The following TAS2R1 variants were observed in gnomAD, a reference collection of about 807,000 sequenced individuals.
TAS2R1 encodes the protein taste 2 receptor member 1.
For synonymous variants in TAS2R1, 141 were observed against 134.2 expected (o/e 1.05, Z -0.35); for missense variants, 370 against 353.4 (o/e 1.05, Z -0.38).
At chr5:9,643,647 G>A (rs1740129184) in intron 2 of TAS2R1, among the ~76,000 whole-genome samples, 1 of 152,120 alleles carries the variant, frequency 6.6e-6, no homozygotes, top group African/African-American at 2.4e-5. Context: ...TAGCTGATAG[G>A]AATTTTTCAA....
At chr5:9,891,031 C>T in the TAS2R1 span, among the ~76,000 whole-genome samples, 7 of 152,186 alleles carry the variant, frequency 4.6e-5, no homozygotes, top group Admixed American at 3.3e-4. Flanking sequence ...TAAGGGTCCA[C>T]AAATTCAAAC....
At chr5:9,780,721 G>A in the TAS2R1 span, among the ~76,000 whole-genome samples, 38 of 152,132 alleles carry the variant, frequency 2.5e-4, no homozygotes, top group Admixed American at 8.5e-4. Flanking sequence ...GCACATGTGC[G>A]TTCATGTTAG....
the TAS2R1 span, among the ~76,000 whole-genome samples, chr5:9,780,556 A>G: frequency 4.6e-5 from 7 of 152,206 alleles, no homozygotes; most frequent in Non-Finnish European, 1.0e-4. Context: ...AGAAGTCAGG[A>G]GAAGGGGCTC....
chr5:9,794,619 C>A, the TAS2R1 span, among the ~76,000 whole-genome samples: 3 of 152,042 alleles, frequency 2.0e-5, no homozygotes, highest in Non-Finnish European at 4.4e-5. Flanking sequence ...AAAAATTGAG[C>A]CTCTATTTAA....
chr5:9,700,456 A>T lies in TAS2R1; in HGVS notation c.-242+11716T>A, dbSNP rs561814778. Reference sequence around the variant, plus strand: ...GGTGCCCTTCACTATCCTTGCACCCATTTTCTATTTTCCACCCATGCACCC... The same window carrying T: ...GGTGCCCTTCACTATCCTTGCACCCTTTTTCTATTTTCCACCCATGCACCC... On this transcript the variant is annotated intron_variant, in intron 1 of 2. Transcript: ENST00000506620. Among the ~76,000 whole-genome samples the T allele has an allele frequency of 3.4e-4, 52 of 152,048 alleles. 1 individual carries two copies. The highest frequency in any genetic ancestry group is 2.8e-4 in the Non-Finnish European group (19 of 67,998).
intron 1 of TAS2R1, among the ~76,000 whole-genome samples, chr5:9,676,499 G>A (rs1025936034): frequency 2.0e-5 from 3 of 152,096 alleles, no homozygotes; most frequent in African/African-American, 4.8e-5. Flanking sequence ...TTAATTCAAC[G>A]AAGAAAGGAT....
At chr5:9,822,090 C>A in the TAS2R1 span, among the ~76,000 whole-genome samples, 1 of 152,118 alleles carries the variant, frequency 6.6e-6, no homozygotes, top group Non-Finnish European at 1.5e-5. Flanking sequence ...AGATTGGCTT[C>A]GTTCTTTTCC....
intron 1 of TAS2R1, among the ~76,000 whole-genome samples, chr5:9,664,838 C>T (rs768150272): frequency 5.9e-5 from 9 of 152,150 alleles, no homozygotes; most frequent in South Asian, 2.1e-4. Flanking sequence ...TACTATGTTT[C>T]GGGCACCATG....
the TAS2R1 span, among the ~76,000 whole-genome samples, chr5:9,867,510 A>G: frequency 1.3e-5 from 2 of 152,206 alleles, no homozygotes; most frequent in African/African-American, 4.8e-5. Flanking sequence ...TGTCACAAGA[A>G]CAGCATGGGA....
At chr5:9,884,909 T>A in the TAS2R1 span, among the ~76,000 whole-genome samples, 1 of 152,256 alleles carries the variant, frequency 6.6e-6, no homozygotes, top group Admixed American at 6.5e-5. Context: ...TTCAAAATGT[T>A]CTTACTTTCT....
At chr5:9,715,794 A>G (rs544141555), upstream of TAS2R1, among the ~76,000 whole-genome samples, 1 of 152,346 alleles carries the variant, frequency 6.6e-6, no homozygotes, top group African/African-American at 2.4e-5. Flanking sequence ...ACTGAGCCAG[A>G]GCATCAAGAA....
At chr5:9,645,897 G>A (rs1740177052) in intron 2 of TAS2R1, among the ~76,000 whole-genome samples, 1 of 152,116 alleles carries the variant, frequency 6.6e-6, no homozygotes, top group Non-Finnish European at 1.5e-5. Flanking sequence ...CTTACTGCTG[G>A]CCTTGACATT....
At chr5:9,777,194 T>G in the TAS2R1 span, among the ~76,000 whole-genome samples, 1 of 152,328 alleles carries the variant, frequency 6.6e-6, no homozygotes, top group South Asian at 2.1e-4. Flanking sequence ...TCATGAAAGA[T>G]TTCTCTGAAG....
At chr5:9,795,889 C>T in the TAS2R1 span, among the ~76,000 whole-genome samples, 1 of 152,166 alleles carries the variant, frequency 6.6e-6, no homozygotes, top group South Asian at 2.1e-4. Flanking sequence ...AGAGGATCCA[C>T]AGCTTCCATC....
At chr5:9,846,042 G>A in the TAS2R1 span, among the ~76,000 whole-genome samples, 4 of 152,184 alleles carry the variant, frequency 2.6e-5, no homozygotes, top group African/African-American at 9.7e-5. Flanking sequence ...TTACTACAAG[G>A]AAGGAGATAG....
At chr5:9,756,841 T>C in the TAS2R1 span, among the ~76,000 whole-genome samples, 8 of 152,346 alleles carry the variant, frequency 5.3e-5, no homozygotes, top group African/African-American at 1.9e-4. Context: ...CATGGTGATC[T>C]GTTTAATCAA....
the TAS2R1 span, among the ~76,000 whole-genome samples, chr5:9,757,520 C>T: frequency 6.6e-6 from 1 of 152,150 alleles, no homozygotes; most frequent in Non-Finnish European, 1.5e-5. Context: ...ACAGCCACCC[C>T]TTTTACATCT....
the TAS2R1 span, among the ~76,000 whole-genome samples, chr5:9,869,666 A>T: frequency 6.6e-6 from 1 of 152,204 alleles, no homozygotes; most frequent in African/African-American, 2.4e-5. Flanking sequence ...ATCATAATTC[A>T]TTGCTGAGGT....
chr5:9,692,181 C>G (rs985718645), intron 1 of TAS2R1, among the ~76,000 whole-genome samples: 2 of 152,158 alleles, frequency 1.3e-5, no homozygotes, highest in Admixed American at 6.6e-5. Context: ...CTGCACTCTA[C>G]GTGCTTGTCA....
Sources: gnomAD v4.1 joint callset for allele counts (sites outside exome capture counted in the v4.1 genomes callset) on GRCh38, gnomAD v4.1.1 for gene constraint, MANE v1.5 for transcripts, NCBI Gene and HGNC (gene_info 2026-07-23, HGNC 2026-07-21) for gene names.